CHRNA3: variants seen among roughly 807,000 people sequenced by gnomAD.
CHRNA3 encodes cholinergic receptor nicotinic alpha 3 subunit.
Under a neutral mutation model 41.9 loss-of-function variants are expected in CHRNA3, and 34 were observed. The ratio of observed to expected loss-of-function variants is 0.81; its 90% CI spans 0.62 to 1.08. The LOEUF is 1.08. CHRNA3 is among the 50% of genes least tolerant of loss of function. The pLI, the probability that CHRNA3 is intolerant of heterozygous loss-of-function variation, is 0.00. For synonymous variants in CHRNA3, 281 were observed against 265.2 expected (o/e 1.06, Z -0.58); for missense variants, 542 against 638.3 (o/e 0.85, Z 1.63).
chr15:78,606,536 G>C (rs1409699003), intron 4 of CHRNA3, among the ~76,000 whole-genome samples: 4 of 151,952 alleles, frequency 2.6e-5, no homozygotes, highest in Non-Finnish European at 5.9e-5. Flanking sequence ...TTAAATGAAA[G>C]AATGTATAAA....
In CHRNA3 at chr15:78,596,226, T is replaced by C; in HGVS notation, c.*378A>G. On this transcript the variant is annotated 3_prime_UTR_variant, in exon 6 of 6. Transcript: ENST00000326828. ...GAGATTATGGGCTAAATAAGAAAAA[T>C]TACTGGGAGATCTGTAGTGATAACT... is the stretch of plus-strand genomic sequence containing the variant. The C allele has an allele frequency of 6.1e-6, 6 of 987,454 alleles. No individual in the cohort carries two copies. Among genetic ancestry groups the C allele is most frequent in the Non-Finnish European group, 7.2e-6 (6 of 831,380 alleles). The allele number at this position is 987,454 out of a possible 1,614,324, so 61.2% of individuals were successfully genotyped here.
At chr15:78,613,584 G>T (rs941804177) in intron 4 of CHRNA3, among the ~76,000 whole-genome samples, 1 of 124,262 alleles carries the variant, frequency 8.0e-6, no homozygotes, top group Non-Finnish European at 1.7e-5. Flanking sequence ...GTGGGGGGAG[G>T]GGGGAGAGAT....
At chr15:78,605,706 C>A (rs1275655656) in intron 4 of CHRNA3, among the ~76,000 whole-genome samples, 1 of 152,124 alleles carries the variant, frequency 6.6e-6, no homozygotes, top group African/African-American at 2.4e-5. Context: ...TTCAGAAGGA[C>A]AGAGACCCAC....
chr15:78,604,498 C>G lies in CHRNA3; in HGVS notation c.378-2234G>C, dbSNP rs371758390. On this transcript the variant is annotated intron_variant, in intron 4 of 5. Coordinates refer to ENST00000326828, the MANE Select transcript of CHRNA3 (RefSeq NM_000743.5). ...GGTTAGCTGAGCTTGGCTGATGGCT[C>G]ATTTCTGGGGATCCTGGTCACTGTG... Among the ~76,000 whole-genome samples, 21 of 152,300 alleles carry G rather than the reference C, an allele frequency of 1.4e-4. No individual in the cohort carries two copies. The East Asian group carries it at 2.7e-3, about 20-fold the overall frequency.
chr15:78,608,309 C>T (rs2053329616), intron 4 of CHRNA3, among the ~76,000 whole-genome samples: 2 of 152,184 alleles, frequency 1.3e-5, no homozygotes, highest in Non-Finnish European at 1.5e-5. Context: ...TGGGAGACAC[C>T]CCCCAAGTAG....
intron 4 of CHRNA3, among the ~76,000 whole-genome samples, chr15:78,611,743 A>G (rs1049906142): frequency 2.6e-5 from 4 of 151,892 alleles, no homozygotes; most frequent in Non-Finnish European, 5.9e-5. Flanking sequence ...GGAGAAGGAA[A>G]TAAAGGGATT....
intron 4 of CHRNA3, among the ~76,000 whole-genome samples, chr15:78,608,965 T>C (rs1212652651): frequency 6.6e-6 from 1 of 152,110 alleles, no homozygotes; most frequent in African/African-American, 2.4e-5. Flanking sequence ...TGCAATCAAC[T>C]GGAAGAAAGG....
intron 4 of CHRNA3, among the ~76,000 whole-genome samples, chr15:78,608,878 A>G (rs2053339522): frequency 6.6e-6 from 1 of 152,252 alleles, no homozygotes; most frequent in Non-Finnish European, 1.5e-5. Context: ...AATGCAGAGA[A>G]GTCCTTAAAG....
At chr15:78,615,914 G>GT (rs1178421584) in intron 4 of CHRNA3, among the ~76,000 whole-genome samples, 1 of 148,562 alleles carries the variant, frequency 6.7e-6, no homozygotes, top group African/African-American at 2.5e-5. Flanking sequence ...CTAATTTTTT[G>GT]TATTTTTAGT....
intron 4 of CHRNA3, among the ~76,000 whole-genome samples, chr15:78,613,836 C>T (rs555013256): frequency 1.3e-5 from 2 of 150,800 alleles, no homozygotes; most frequent in South Asian, 4.2e-4. Context: ...GTCCCAGCTA[C>T]TTGGGAGGCT....
chr15:78,613,085 G>A (rs1416468833), intron 4 of CHRNA3, among the ~76,000 whole-genome samples: 2 of 152,234 alleles, frequency 1.3e-5, no homozygotes, highest in Non-Finnish European at 2.9e-5. Context: ...TGCTGGCGAG[G>A]ATGTGGAGAA....
chr15:78,598,338 G>A (rs1439071834), intron 5 of CHRNA3, among the ~76,000 whole-genome samples: 4 of 151,918 alleles, frequency 2.6e-5, no homozygotes, highest in African/African-American at 9.7e-5. Context: ...TGACACTTGG[G>A]TTTTATACAT....
At chr15:78,613,016 T>G (rs2053404584) in intron 4 of CHRNA3, among the ~76,000 whole-genome samples, 1 of 152,080 alleles carries the variant, frequency 6.6e-6, no homozygotes, top group Non-Finnish European at 1.5e-5. Flanking sequence ...AAAACCACAA[T>G]GAGATACCAT....
downstream of CHRNA3, chr15:78,594,954 G>A (rs2053075910): frequency 6.6e-6 from 1 of 152,190 alleles, no homozygotes; most frequent in African/African-American, 2.4e-5. Context: ...CACTTCAGGT[G>A]TGACCAGGTA....
At chr15:78,603,981 G>C (rs1415907751) in intron 4 of CHRNA3, among the ~76,000 whole-genome samples, 1 of 152,126 alleles carries the variant, frequency 6.6e-6, no homozygotes, top group Non-Finnish European at 1.5e-5. Flanking sequence ...AGAGGGCTGG[G>C]CTAAGCAGAA....
Position 78,618,068 on chromosome 15 carries a change from G to A in CHRNA3, c.267+549C>T, listed in dbSNP as rs1567093617. On this transcript the variant is annotated intron_variant, in intron 3 of 5. Coordinates refer to ENST00000326828, the MANE Select transcript of CHRNA3 (RefSeq NM_000743.5). ...TCGAGACCAGCCTGGGCAACATGGC[G>A]AAACCCTGTCTCTATAACAAATCCA... Among the ~76,000 whole-genome samples, 7 of 152,112 alleles carry A rather than the reference G, an allele frequency of 4.6e-5. No homozygotes were observed. The South Asian group carries it at 1.0e-3, about 23-fold the overall frequency.
At chr15:78,604,229 C>T (rs763600800) in intron 4 of CHRNA3, among the ~76,000 whole-genome samples, 3 of 152,174 alleles carry the variant, frequency 2.0e-5, no homozygotes, top group African/African-American at 4.8e-5. Flanking sequence ...TAGCTGTGAC[C>T]GTCACTGTAT....
At position 78,601,399 on chromosome 15, in the gene CHRNA3, A is replaced by C. The variant is rs74381441; in HGVS notation, c.1243T>G (p.Phe415Val). 693 of 1,614,012 alleles carry C rather than the reference A, an allele frequency of 4.3e-4. 4 individuals carry two copies. Among genetic ancestry groups the C allele is most frequent in the Admixed American group, 6.8e-4 (41 of 59,992 alleles). Residue 415 changes from phenylalanine (F) to valine (V), a missense_variant, in exon 5 of 6, where the codon TTC becomes GTC. Phe to Val is a conservative substitution (Grantham distance 50, BLOSUM62 -1). Transcript: ENST00000326828. ...GAGCTTCTCGTGAGGTTAGCACTGA[A>C]ATTGGAGATTTTTATCCTGCGGTGG... Reference protein sequence around the residue: ...CHHRRIKISNFSANLTRSSSS... With the variant: ...CHHRRIKISNVSANLTRSSSS...
intron 4 of CHRNA3, among the ~76,000 whole-genome samples, chr15:78,615,649 A>G (rs1323443976): frequency 7.4e-6 from 1 of 135,642 alleles, no homozygotes; most frequent in Non-Finnish European, 1.6e-5. Context: ...GGGGACAGGT[A>G]TAGAGATTTT....
Sources: gnomAD v4.1 joint callset for allele counts (sites outside exome capture counted in the v4.1 genomes callset) on GRCh38, gnomAD v4.1.1 for gene constraint, MANE v1.5 for transcripts, NCBI Gene and HGNC (gene_info 2026-07-23, HGNC 2026-07-21) for gene names.